Variants in BRINP3 observed in about 807,000 individuals in gnomAD.
The protein encoded by BRINP3 is BMP/retinoic acid inducible neural specific 3, also known as BMP/retinoic acid-inducible neural-specific protein 3.
In BRINP3, 19 loss-of-function variants were observed where a neutral mutation model predicts 71.0. That is an observed-to-expected ratio of 0.27 (90% CI 0.19 to 0.39). The LOEUF (loss-of-function observed/expected upper bound fraction) is 0.39. Among genes scored for constraint, BRINP3 ranks in the 10% least tolerant of loss-of-function variants. BRINP3 has a pLI of 1.00. For missense variants in BRINP3, 959 were observed against 940.8 expected (o/e 1.02, Z -0.25); for synonymous variants, 380 against 337.7 (o/e 1.13, Z -1.37).
At chr1:190,471,369 C>T (rs1352982090) in intron 1 of BRINP3, among the ~76,000 whole-genome samples, 1 of 151,178 alleles carries the variant, frequency 6.6e-6, no homozygotes, top group African/African-American at 2.4e-5. Flanking sequence ...CTCCTTTTAG[C>T]AACTAAGATT....
chr1:190,294,202 T>C (rs1196551996), intron 2 of BRINP3, among the ~76,000 whole-genome samples: 1 of 152,132 alleles, frequency 6.6e-6, no homozygotes, highest in African/African-American at 2.4e-5. Context: ...GTTTTTGGCA[T>C]TGTGGTTGTC....
At chr1:190,201,443 A>G (rs1654996502) in intron 6 of BRINP3, among the ~76,000 whole-genome samples, 1 of 152,224 alleles carries the variant, frequency 6.6e-6, no homozygotes, top group Non-Finnish European at 1.5e-5. Flanking sequence ...ACAATACGAT[A>G]GAAAAGAAAA....
At chr1:190,411,527 G>A (rs1345109423) in intron 2 of BRINP3, among the ~76,000 whole-genome samples, 2 of 152,050 alleles carry the variant, frequency 1.3e-5, no homozygotes, top group African/African-American at 4.8e-5. Context: ...GCAACACTTA[G>A]AAATGTTTGT....
chr1:190,135,185 T>A (rs10494630), intron 7 of BRINP3, among the ~76,000 whole-genome samples: 21,637 of 152,036 alleles, frequency 0.14, 2,628 homozygotes, highest in African/African-American at 0.29. Flanking sequence ...AATTAATCCT[T>A]TCAAGATGCT....
chr1:190,264,956 G>T lies in BRINP3; in HGVS notation c.527C>A (p.Thr176Lys). ...ATAAGAAGCGGCTAGCTGATGTAGC[G>T]TCTCCAGAGTGACCGAAGAGCTATT... ...TTNSSSVTLETLHQLAASYFI... is the reference protein window; with the variant it reads ...TTNSSSVTLEKLHQLAASYFI... The change falls in exon 4 of 8, where the codon ACG (threonine) becomes AAG (lysine). Residue 176 changes from threonine to lysine, a missense_variant. Transcript: ENST00000367462. 6.2e-7 allele frequency: 1 copy of T among 1,612,972 alleles called. No individual in the cohort carries two copies. Among genetic ancestry groups the T allele is most frequent in the Non-Finnish European group, 8.5e-7 (1 of 1,179,600 alleles).
chr1:190,287,395 A>T (rs1663516478), intron 2 of BRINP3, among the ~76,000 whole-genome samples: 1 of 152,180 alleles, frequency 6.6e-6, no homozygotes, highest in African/African-American at 2.4e-5. Flanking sequence ...AAGATAAAAA[A>T]GTCCACTCTC....
At chr1:190,317,039 G>A (rs1295124729) in intron 2 of BRINP3, among the ~76,000 whole-genome samples, 1 of 151,724 alleles carries the variant, frequency 6.6e-6, no homozygotes, top group Non-Finnish European at 1.5e-5. Context: ...GGGCATGATG[G>A]TGGGTGCCTA....
intron 1 of BRINP3, among the ~76,000 whole-genome samples, chr1:190,467,745 G>A (rs192946971): frequency 6.6e-6 from 1 of 151,516 alleles, no homozygotes; most frequent in East Asian, 1.9e-4. Flanking sequence ...TTCTAAAATA[G>A]CCCAAACTGT....
intron 2 of BRINP3, among the ~76,000 whole-genome samples, chr1:190,367,519 T>C (rs1233563166): frequency 6.6e-6 from 1 of 152,228 alleles, no homozygotes; most frequent in Admixed American, 6.5e-5. Flanking sequence ...GTGTTTAACA[T>C]TCAGCTCCGT....
chr1:190,390,158 T>C (rs1408262022), intron 2 of BRINP3, among the ~76,000 whole-genome samples: 1 of 151,648 alleles, frequency 6.6e-6, no homozygotes, highest in African/African-American at 2.4e-5. Flanking sequence ...GGGGGAAATA[T>C]CTTGTAATTG....
chr1:190,297,991 T>C (rs1010570690), intron 2 of BRINP3, among the ~76,000 whole-genome samples: 5 of 152,188 alleles, frequency 3.3e-5, no homozygotes, highest in Non-Finnish European at 5.9e-5. Flanking sequence ...AAGATTTATT[T>C]GGAGTTTTTA....
chr1:190,465,942 T>C (rs1354593300), intron 1 of BRINP3, among the ~76,000 whole-genome samples: 1 of 151,898 alleles, frequency 6.6e-6, no homozygotes, highest in Admixed American at 6.6e-5. Flanking sequence ...GATATCAAGA[T>C]TTAATTGTTG....
chr1:190,329,364 G>A (rs1406476642), intron 2 of BRINP3, among the ~76,000 whole-genome samples: 1 of 151,614 alleles, frequency 6.6e-6, no homozygotes, highest in Non-Finnish European at 1.5e-5. Flanking sequence ...ACAAAAATCA[G>A]GGACACTTCT....
chr1:190,112,013 G>T (rs1652738869), intron 7 of BRINP3, among the ~76,000 whole-genome samples: 1 of 152,022 alleles, frequency 6.6e-6, no homozygotes, highest in Non-Finnish European at 1.5e-5. Flanking sequence ...CCATATAGTT[G>T]GAACTTTTGT....
intron 7 of BRINP3, among the ~76,000 whole-genome samples, chr1:190,115,756 A>C (rs1653078680): frequency 6.6e-6 from 1 of 152,152 alleles, no homozygotes. Flanking sequence ...TAACTGTGGG[A>C]AACCGAAGGT....
intron 2 of BRINP3, among the ~76,000 whole-genome samples, chr1:190,373,432 ATATG>A (rs768913843): frequency 0.012 from 1,615 of 130,434 alleles, 12 homozygotes; most frequent in African/African-American, 0.024. Flanking sequence ...TTATATATAT[ATATG>A]TGTGTGTGTG....
chr1:190,280,708 A>G lies in BRINP3; in HGVS notation c.427+852T>C, dbSNP rs190876621. Among the ~76,000 whole-genome samples the G allele has an allele frequency of 1.1e-4, 16 of 152,032 alleles. 1 individual carries two copies. The East Asian group carries it at 1.4e-3, about 13-fold the overall frequency. Reference sequence around the variant, plus strand: ...AAACCCATTAAGAAACTGACAAGAAAGCAGGGATTCACTCTTTTCCTGGCT... The same window carrying G: ...AAACCCATTAAGAAACTGACAAGAAGGCAGGGATTCACTCTTTTCCTGGCT... On this transcript the variant is annotated intron_variant, in intron 3 of 7. Transcript: ENST00000367462.
At chr1:190,190,210 AG>A (rs2102569665) in intron 6 of BRINP3, among the ~76,000 whole-genome samples, 1 of 152,218 alleles carries the variant, frequency 6.6e-6, no homozygotes, top group African/African-American at 2.4e-5. Context: ...GGGGGCTATC[AG>A]GTTTTTGCAA....
At chr1:190,173,712 AT>A (rs1304075031) in intron 6 of BRINP3, among the ~76,000 whole-genome samples, 1 of 152,210 alleles carries the variant, frequency 6.6e-6, no homozygotes, top group Non-Finnish European at 1.5e-5. Flanking sequence ...ATACGTATTT[AT>A]TAATGTAAAC....
Sources: allele counts gnomAD v4.1 joint callset (sites outside exome capture counted in the v4.1 genomes callset), GRCh38; gene constraint gnomAD v4.1.1; transcripts MANE v1.5; gene names NCBI Gene and HGNC (gene_info 2026-07-23, HGNC 2026-07-21).